The following PAK3 variants were observed in gnomAD, a reference collection of about 807,000 sequenced individuals.
PAK3 encodes p21 (RAC1) activated kinase 3.
Under a neutral mutation model 41.0 loss-of-function variants are expected in PAK3, and 4 were observed. The ratio of observed to expected loss-of-function variants is 0.10; its 90% CI spans 0.05 to 0.22. The LOEUF is 0.22. Among genes scored for constraint, PAK3 ranks in the 10% least tolerant of loss-of-function variants. The probability of loss-of-function intolerance (pLI) is 1.00; values close to 1 mark genes in which losing one functional copy is unlikely to be tolerated. For synonymous variants in PAK3, 146 were observed against 139.6 expected (o/e 1.05, Z -0.32); for missense variants, 205 against 409.9 (o/e 0.50, Z 4.32).
intron 1 of PAK3, among the ~76,000 whole-genome samples, chrX:111,040,595 A>G (rs1419492354): frequency 8.9e-6 from 1 of 111,991 alleles, no homozygotes; most frequent in Non-Finnish European, 1.9e-5. Context: ...GTCTAGGTAA[A>G]TCACTTGGCC....
chrX:111,073,019 C>A (rs951629971), intron 1 of PAK3, among the ~76,000 whole-genome samples: 1 of 111,419 alleles, frequency 9.0e-6, no homozygotes, highest in Non-Finnish European at 1.9e-5. Flanking sequence ...CCATTTAAGC[C>A]CCTCAGGGAT....
intron 1 of PAK3, among the ~76,000 whole-genome samples, chrX:111,062,731 A>G (rs1462491318): frequency 9.0e-6 from 1 of 111,700 alleles, no homozygotes; most frequent in Non-Finnish European, 1.9e-5. Context: ...CTGCCTGCCT[A>G]CCTGCCTTAG....
intron 1 of PAK3, among the ~76,000 whole-genome samples, chrX:111,017,785 G>A (rs1020619157): frequency 1.8e-5 from 2 of 111,696 alleles, no homozygotes; most frequent in Non-Finnish European, 3.8e-5. Context: ...GACACTGCAA[G>A]AGAACTACAG....
At chrX:111,095,808 T>C (rs889603975), upstream of PAK3, among the ~76,000 whole-genome samples, 1 of 111,281 alleles carries the variant, frequency 9.0e-6, no homozygotes. Context: ...TGTGCCCGTG[T>C]AGCTGTACAG....
intron 1 of PAK3, among the ~76,000 whole-genome samples, chrX:111,060,515 A>G (rs916618704): frequency 9.0e-6 from 1 of 110,958 alleles, no homozygotes; most frequent in Non-Finnish European, 1.9e-5. Flanking sequence ...TAACTCTTTA[A>G]ATGTTTTGTA....
intron 1 of PAK3, among the ~76,000 whole-genome samples, chrX:111,070,337 A>G (rs1280950304): frequency 1.8e-5 from 2 of 110,735 alleles, no homozygotes; most frequent in Non-Finnish European, 1.9e-5. Flanking sequence ...TCAACTGTGT[A>G]TGCTTCCAGT....
chrX:111,195,631 G>A (rs1286686274), intron 14 of PAK3, among the ~76,000 whole-genome samples: 2 of 111,810 alleles, frequency 1.8e-5, no homozygotes, highest in Admixed American at 9.5e-5. Context: ...CTAGTCTGAT[G>A]TGTCAGCCAT....
At chrX:110,986,417 A>T (rs772306143) in intron 1 of PAK3, among the ~76,000 whole-genome samples, 1 of 112,155 alleles carries the variant, frequency 8.9e-6, no homozygotes, top group East Asian at 2.8e-4. Context: ...ATGAAAAAAT[A>T]AAAGAAGAGA....
Position 111,220,946 on chromosome X carries a change from A to AAAAAAAAAAAAAAAAAAAAAAAAAAC in PAK3, c.*515_*516insAAAAAAAAACAAAAAAAAAAAAAAAA, listed in dbSNP as rs1491483444. ...AAAAAGAAAGCAAAAAAAGCAAGGC[A>AAAAAAAAAAAAAAAAAAAAAAAAAAC]AAAAAAAAAAAAAAAACAAACAAAA... On this transcript the variant is annotated 3_prime_UTR_variant, in exon 18 of 18. Transcript: ENST00000372007. The AAAAAAAAAAAAAAAAAAAAAAAAAAC allele has an allele frequency of 1.7e-4, 1 of 5,757 alleles. No homozygotes were observed. Among genetic ancestry groups the AAAAAAAAAAAAAAAAAAAAAAAAAAC allele is most frequent in the Non-Finnish European group, 7.5e-4 (1 of 1,336 alleles). 0.5% of individuals were successfully genotyped at this position (5,757 alleles called of 1,213,427 possible). A position where few individuals can be genotyped will look rare whatever the true frequency, so the allele number is the denominator to read the frequency against.
intron 11 of PAK3, among the ~76,000 whole-genome samples, chrX:111,185,313 C>T (rs1266155664): frequency 1.8e-5 from 2 of 110,841 alleles, no homozygotes; most frequent in Non-Finnish European, 3.8e-5. Flanking sequence ...TCACATGGAT[C>T]GATTGCAAAA....
At chrX:111,012,205 G>A (rs2092021436) in intron 1 of PAK3, among the ~76,000 whole-genome samples, 1 of 111,616 alleles carries the variant, frequency 9.0e-6, no homozygotes, top group Non-Finnish European at 1.9e-5. Context: ...AAATTGCTTG[G>A]CTGATATTCA....
intron 1 of PAK3, among the ~76,000 whole-genome samples, chrX:111,040,431 A>G (rs2092442177): frequency 8.9e-6 from 1 of 112,187 alleles, no homozygotes; most frequent in African/African-American, 3.2e-5. Context: ...TTAAGAAAAT[A>G]TAGATACATT....
intron 1 of PAK3, among the ~76,000 whole-genome samples, chrX:110,970,846 T>A (rs989331436): frequency 3.6e-5 from 4 of 112,370 alleles, no homozygotes; most frequent in African/African-American, 6.5e-5. Flanking sequence ...CTCATTTTTA[T>A]AAATTCGTTG....
At chrX:111,160,555 T>C (rs996352387) in intron 8 of PAK3, among the ~76,000 whole-genome samples, 6 of 109,306 alleles carry the variant, frequency 5.5e-5, no homozygotes, top group Admixed American at 2.0e-4. Context: ...CATGTTGGTG[T>C]GCTGCACCCA....
chrX:110,984,724 T>C (rs931702665), intron 1 of PAK3, among the ~76,000 whole-genome samples: 1 of 111,478 alleles, frequency 9.0e-6, no homozygotes, highest in Non-Finnish European at 1.9e-5. Flanking sequence ...AGGGGTGTCT[T>C]TTTTGTGATT....
At chrX:111,079,083 T>C (rs1350196882) in intron 1 of PAK3, among the ~76,000 whole-genome samples, 1 of 111,761 alleles carries the variant, frequency 8.9e-6, no homozygotes, top group East Asian at 2.8e-4. Flanking sequence ...CTCCATAACA[T>C]GAAACTGCAA....
chrX:111,099,889 G>A (rs1027182876), intron 3 of PAK3, among the ~76,000 whole-genome samples: 2 of 107,633 alleles, frequency 1.9e-5, no homozygotes, highest in African/African-American at 6.8e-5. Flanking sequence ...ATGAAGACAG[G>A]TCCACTAAAG....
chrX:111,072,746 G>C (rs964745177), intron 1 of PAK3, among the ~76,000 whole-genome samples: 1 of 112,297 alleles, frequency 8.9e-6, no homozygotes, highest in Non-Finnish European at 1.9e-5. Flanking sequence ...GATAAGATAT[G>C]ATGGTGTTTG....
intron 1 of PAK3, among the ~76,000 whole-genome samples, chrX:110,945,220 GGTGTGT>G (rs764504662): frequency 7.4e-5 from 8 of 107,923 alleles, no homozygotes; most frequent in African/African-American, 1.7e-4. Context: ...GAGTTGGAGT[GGTGTGT>G]GTGTGTGTGT....
Sources: allele counts gnomAD v4.1 joint callset (sites outside exome capture counted in the v4.1 genomes callset), GRCh38; gene constraint gnomAD v4.1.1; transcripts MANE v1.5; gene names NCBI Gene and HGNC (gene_info 2026-07-23, HGNC 2026-07-21).